ASCC3: variants seen among roughly 807,000 people sequenced by gnomAD.
ASCC3 encodes the protein ASC-1 complex subunit P200.
In ASCC3, 158 loss-of-function variants were observed where a neutral mutation model predicts 256.3. That is an observed-to-expected ratio of 0.62 (90% CI 0.54 to 0.70). The LOEUF is 0.70. Ranked by LOEUF, ASCC3 falls within the 30% of genes least tolerant of loss-of-function variation. The pLI is 0.00. For missense variants in ASCC3, 2,259 were observed against 2,626.0 expected (o/e 0.86, Z 3.05); for synonymous variants, 948 against 883.4 (o/e 1.07, Z -1.30).
At chr6:100,780,612 A>C (rs941941972) in intron 8 of ASCC3, among the ~76,000 whole-genome samples, 1 of 152,136 alleles carries the variant, frequency 6.6e-6, no homozygotes, top group Non-Finnish European at 1.5e-5. Context: ...TTAAAAAGAA[A>C]ATAAAAAACT....
chr6:100,663,732 A>C (rs1776337411), intron 14 of ASCC3, among the ~76,000 whole-genome samples: 1 of 152,296 alleles, frequency 6.6e-6, no homozygotes, highest in African/African-American at 2.4e-5. Context: ...ACAAAGAAGA[A>C]AACAGAAATT....
At chr6:100,762,841 T>C (rs1209388043) in intron 10 of ASCC3, among the ~76,000 whole-genome samples, 1 of 151,942 alleles carries the variant, frequency 6.6e-6, no homozygotes, top group Non-Finnish European at 1.5e-5. Context: ...AGCAAGAGAG[T>C]AATATGATCA....
chr6:100,765,506 C>T lies in ASCC3; in HGVS notation c.1737+1059G>A, dbSNP rs189449443. ...TTCTTTAGATAATAACTCAACCAAC[C>T]GCCAATCAGAAAATCTATACATCTA... is the stretch of plus-strand genomic sequence containing the variant. On this transcript the variant is annotated intron_variant, in intron 10 of 41. Transcript: ENST00000369162. Among the ~76,000 whole-genome samples the T allele has an allele frequency of 1.5e-3, 233 of 152,284 alleles. 1 individual carries two copies. Among genetic ancestry groups the T allele is most frequent in the African/African-American group, 5.5e-3 (227 of 41,554 alleles).
chr6:100,597,432 G>T (rs1244981398), intron 34 of ASCC3, among the ~76,000 whole-genome samples: 1 of 152,056 alleles, frequency 6.6e-6, no homozygotes, highest in Admixed American at 6.6e-5. Flanking sequence ...TAAATTTTAT[G>T]ATTTTTGAGG....
chr6:100,812,290 G>T (rs1419708183), intron 4 of ASCC3, among the ~76,000 whole-genome samples: 1 of 152,014 alleles, frequency 6.6e-6, no homozygotes, highest in Non-Finnish European at 1.5e-5. Context: ...AAATGGAGAA[G>T]TATGATCCAT....
intron 37 of ASCC3, among the ~76,000 whole-genome samples, chr6:100,534,758 G>A (rs1436102170): frequency 6.6e-6 from 1 of 152,160 alleles, no homozygotes; most frequent in Non-Finnish European, 1.5e-5. Flanking sequence ...AATTTGAAAT[G>A]GGATAGGAGA....
rs73506966 is a variant in ASCC3 at position 100,876,706 on chromosome 6, A to G, written c.-42+4355T>C. ...CACATTTAATATGGTCCACTAAATG[A>G]CAAATATATAAATGAAAAATTCTGT... On this transcript the variant is annotated intron_variant, in intron 1 of 41. Transcript: ENST00000369162. Among the ~76,000 whole-genome samples the G allele has an allele frequency of 2.6e-3, 399 of 152,308 alleles. 1 individual carries two copies. The highest frequency in any genetic ancestry group is 8.5e-3 in the African/African-American group (352 of 41,566).
At position 100,509,390 on chromosome 6, in the gene ASCC3, T is replaced by C. The variant is rs748745849; in HGVS notation, c.6605A>G (p.Lys2202Arg). ...AAATGGATTGTTCAGGTCAAGTTAC[T>C]TTAATGCCAGGTCAGTCAGGGAATC... is the stretch of plus-strand genomic sequence containing the variant. ...VSDSLTDLAL[K>R] The change falls in exon 42 of 42, where the codon AAG becomes AGG. Residue 2202 changes from lysine to arginine, a missense_variant. Around this residue, in one of 2 missense-constraint regions of ASCC3, gnomAD observed 1,839 missense variants for 2,206.7 expected, o/e 0.83. Coordinates refer to ENST00000369162, the MANE Select transcript of ASCC3 (RefSeq NM_006828.4). The C allele has an allele frequency of 1.9e-6, 3 of 1,614,152 alleles. No homozygotes were observed. The South Asian group carries it at 3.3e-5, about 18-fold the overall frequency.
At chr6:100,817,787 G>A (rs34151799) in intron 4 of ASCC3, among the ~76,000 whole-genome samples, 4 of 151,972 alleles carry the variant, frequency 2.6e-5, no homozygotes, top group African/African-American at 9.7e-5. Flanking sequence ...ATCAAGAAAC[G>A]ACCCACAAAG....
intron 8 of ASCC3, among the ~76,000 whole-genome samples, chr6:100,775,551 G>A (rs529605544): frequency 4.6e-5 from 7 of 151,608 alleles, no homozygotes; most frequent in African/African-American, 7.3e-5. Context: ...TATCTTGTTC[G>A]GTAAGTATCC....
chr6:100,529,752 C>T lies in ASCC3; in HGVS notation c.5775+10411G>A, dbSNP rs567951747. On this transcript the variant is annotated intron_variant, in intron 37 of 41. Transcript: ENST00000369162. ...AGTCAAATACATTTTTATGGTATAT[C>T]CAACCTGTGCTGAAAGCTGTTTTTG... is the stretch of plus-strand genomic sequence containing the variant. 1.1e-4 allele frequency among the ~76,000 whole-genome samples: 17 copies of T among 152,220 alleles called. No individual in the cohort carries two copies. In the South Asian group the frequency reaches 1.5e-3, roughly 13 times the overall value.
intron 36 of ASCC3, among the ~76,000 whole-genome samples, chr6:100,577,742 C>CCACACA (rs139409330): frequency 1.3e-5 from 2 of 149,450 alleles, no homozygotes; most frequent in African/African-American, 4.9e-5. Flanking sequence ...ACCCACCCAC[C>CCACACA]CACACACACA....
At chr6:100,614,308 G>C (rs1773550320) in intron 30 of ASCC3, among the ~76,000 whole-genome samples, 1 of 152,118 alleles carries the variant, frequency 6.6e-6, no homozygotes, top group African/African-American at 2.4e-5. Context: ...TTAAATTTGT[G>C]AAGGATCACA....
At chr6:100,724,153 A>AC (rs895929099) in intron 11 of ASCC3, among the ~76,000 whole-genome samples, 2 of 148,978 alleles carry the variant, frequency 1.3e-5, no homozygotes, top group African/African-American at 2.5e-5. Flanking sequence ...AAAAACAAAA[A>AC]AAAAAACAAA....
intron 1 of ASCC3, among the ~76,000 whole-genome samples, chr6:100,878,708 A>G (rs1769123560): frequency 6.6e-6 from 1 of 152,238 alleles, no homozygotes; most frequent in Non-Finnish European, 1.5e-5. Context: ...TGGGAGGCAG[A>G]CTGAAGGAAT....
At chr6:100,646,560 G>A (rs1302413075) in intron 22 of ASCC3, 55 bp downstream of exon 22, 1 of 1,540,204 alleles carries the variant, frequency 6.5e-7, no homozygotes, top group Non-Finnish European at 8.9e-7. Flanking sequence ...ATGTAGTTGA[G>A]TCTGTAGTAC....
intron 13 of ASCC3, among the ~76,000 whole-genome samples, chr6:100,704,084 A>G (rs1429078485): frequency 6.6e-6 from 1 of 151,730 alleles, no homozygotes; most frequent in Non-Finnish European, 1.5e-5. Context: ...TGGATAGGGG[A>G]ATTTCAATTT....
At chr6:100,828,368 C>T (rs935691769) in intron 4 of ASCC3, among the ~76,000 whole-genome samples, 7 of 152,204 alleles carry the variant, frequency 4.6e-5, no homozygotes, top group African/African-American at 1.4e-4. Flanking sequence ...CCTTTATCCG[C>T]GGTGGGGAGA....
intron 25 of ASCC3, among the ~76,000 whole-genome samples, chr6:100,636,555 C>T (rs983200738): frequency 2.4e-4 from 37 of 152,078 alleles, no homozygotes; most frequent in Non-Finnish European, 4.0e-4. Flanking sequence ...ATGTCTCTCA[C>T]TTTAAATCAA....
Sources: allele counts gnomAD v4.1 joint callset (sites outside exome capture counted in the v4.1 genomes callset), GRCh38; gene constraint gnomAD v4.1.1; regional missense constraint gnomAD v4.1.1; transcripts MANE v1.5; gene names NCBI Gene and HGNC (gene_info 2026-07-23, HGNC 2026-07-21).